The following GPM6A variants were observed in gnomAD, a reference collection of about 807,000 sequenced individuals.
The protein encoded by GPM6A is glycoprotein M6A.
Under a neutral mutation model 32.1 loss-of-function variants are expected in GPM6A, and 7 were observed. That is an observed-to-expected ratio of 0.22 (90% CI 0.12 to 0.41). GPM6A has a LOEUF of 0.41. GPM6A is among the 10% of genes least tolerant of loss of function. The pLI is 1.00. For missense variants in GPM6A, 235 were observed against 347.2 expected, an observed-to-expected ratio of 0.68 and a Z score of 2.57; for synonymous variants, 130 against 123.4, an observed-to-expected ratio of 1.05 and a Z score of -0.35.
intron 1 of GPM6A, chr4:175,781,290 T>C (rs1248161956): frequency 2.6e-5 from 4 of 152,188 alleles, no homozygotes; most frequent in African/African-American, 9.7e-5. Context: ...GTGGTCTGTT[T>C]GGATGCCCTG....
At chr4:175,921,442 C>A (rs1738661739) in intron 1 of GPM6A, among the ~76,000 whole-genome samples, 1 of 151,870 alleles carries the variant, frequency 6.6e-6, no homozygotes, top group South Asian at 2.1e-4. Context: ...TAGAGAATTT[C>A]AGTATTTTAA....
chr4:175,761,090 C>G (rs1732718677), intron 1 of GPM6A, among the ~76,000 whole-genome samples: 1 of 92,012 alleles, frequency 1.1e-5, no homozygotes, highest in Non-Finnish European at 2.4e-5. Flanking sequence ...ATGACACAGT[C>G]TCAGAGTCAC....
Position 175,651,822 on chromosome 4 carries a change from A to G in GPM6A, c.541+12T>C, listed in dbSNP as rs201531480. ...TGGTGTTTTACAGTTTAGAGATCCA[A>G]TATCCACTTACCAAACTGACGAAGG... On this transcript the variant is annotated intron_variant, in intron 4 of 6. Coordinates refer to ENST00000393658, the MANE Select transcript of GPM6A (RefSeq NM_201591.3). The G allele has an allele frequency of 3.0e-5, 48 of 1,608,050 alleles. No homozygotes were observed. The African/African-American group carries it at 4.7e-4, about 16-fold the overall frequency.
chr4:175,727,621 AT>A (rs1438001743), intron 1 of GPM6A, among the ~76,000 whole-genome samples: 1 of 152,212 alleles, frequency 6.6e-6, no homozygotes, highest in Non-Finnish European at 1.5e-5. Flanking sequence ...TAGTTAACTG[AT>A]TAGAAAACTC....
chr4:175,825,251 G>A (rs540626839), intron 1 of GPM6A, among the ~76,000 whole-genome samples: 1 of 152,302 alleles, frequency 6.6e-6, no homozygotes, highest in South Asian at 2.1e-4. Flanking sequence ...TTGGGGTGCA[G>A]TAATCTTAAC....
intron 3 of GPM6A, 30 bp downstream of exon 3, chr4:175,673,650 T>A (rs1385616103): frequency 1.1e-5 from 17 of 1,536,892 alleles, no homozygotes; most frequent in Non-Finnish European, 1.4e-5. Context: ...TCAATCCACA[T>A]TAAATACTGA....
intron 1 of GPM6A, among the ~76,000 whole-genome samples, chr4:175,705,562 G>T (rs1260787392): frequency 6.6e-6 from 1 of 152,102 alleles, no homozygotes; most frequent in Non-Finnish European, 1.5e-5. Flanking sequence ...CTCTCCAGCT[G>T]CCAGGATCCC....
At chr4:175,765,281 T>A (rs947570025) in intron 1 of GPM6A, among the ~76,000 whole-genome samples, 1 of 152,152 alleles carries the variant, frequency 6.6e-6, no homozygotes, top group Non-Finnish European at 1.5e-5. Flanking sequence ...TTATTATCAC[T>A]GGCATTGCAC....
At chr4:175,646,879 G>A (rs1220690477) in intron 4 of GPM6A, among the ~76,000 whole-genome samples, 1 of 152,016 alleles carries the variant, frequency 6.6e-6, no homozygotes, top group African/African-American at 2.4e-5. Context: ...TTCACTATAT[G>A]ACCCCACCAC....
intron 1 of GPM6A, among the ~76,000 whole-genome samples, chr4:175,940,035 G>C (rs73871293): frequency 0.06 from 9,201 of 152,174 alleles, 871 homozygotes; most frequent in African/African-American, 0.21. Flanking sequence ...TAGTGATGCA[G>C]TAGTTCATTT....
chr4:175,713,897 C>G (rs1268278400), intron 1 of GPM6A, among the ~76,000 whole-genome samples: 1 of 152,050 alleles, frequency 6.6e-6, no homozygotes, highest in African/African-American at 2.4e-5. Context: ...AGTTGCTTAT[C>G]TTTTCTCTCC....
At chr4:175,929,511 T>C (rs1017744379) in intron 1 of GPM6A, among the ~76,000 whole-genome samples, 1 of 152,208 alleles carries the variant, frequency 6.6e-6, no homozygotes, top group African/African-American at 2.4e-5. Context: ...GGTTCTGCAT[T>C]TGTAAAACTG....
chr4:175,831,420 G>T (rs1055300244), intron 1 of GPM6A, among the ~76,000 whole-genome samples: 2 of 152,152 alleles, frequency 1.3e-5, no homozygotes, highest in Admixed American at 6.5e-5. Context: ...ATTACTTTAT[G>T]CCTGACTATA....
At chr4:175,773,310 C>T (rs1000815471) in intron 1 of GPM6A, among the ~76,000 whole-genome samples, 89 of 152,304 alleles carry the variant, frequency 5.8e-4, no homozygotes, top group African/African-American at 2.0e-3. Flanking sequence ...TTCTTATATA[C>T]TCAAAGCCTT....
intron 1 of GPM6A, among the ~76,000 whole-genome samples, chr4:175,751,045 G>A (rs2111188895): frequency 6.6e-6 from 1 of 152,118 alleles, no homozygotes; most frequent in East Asian, 1.9e-4. Context: ...CATTGCAAAT[G>A]TGAGACTTGA....
At chr4:175,684,702 T>C (rs1371236348) in intron 2 of GPM6A, among the ~76,000 whole-genome samples, 1 of 152,216 alleles carries the variant, frequency 6.6e-6, no homozygotes, top group Non-Finnish European at 1.5e-5. Flanking sequence ...TAGATTTATC[T>C]GTTCGGTCCT....
chr4:175,661,211 C>A (rs1439930180), intron 3 of GPM6A, among the ~76,000 whole-genome samples: 2 of 151,872 alleles, frequency 1.3e-5, no homozygotes, highest in African/African-American at 4.8e-5. Context: ...GAGTGATAAC[C>A]AGTATGCATT....
chr4:175,690,004 C>T (rs1744208408), intron 2 of GPM6A, among the ~76,000 whole-genome samples: 2 of 152,194 alleles, frequency 1.3e-5, no homozygotes. Context: ...AATAAGATTG[C>T]TCTTGTCCCC....
chr4:175,770,900 A>G (rs933023565), intron 1 of GPM6A, among the ~76,000 whole-genome samples: 2 of 152,140 alleles, frequency 1.3e-5, no homozygotes, highest in Admixed American at 1.3e-4. Flanking sequence ...TGATTACTTC[A>G]TCCTCGGTGC....
Sources: allele counts gnomAD v4.1 joint callset (sites outside exome capture counted in the v4.1 genomes callset), GRCh38; gene constraint gnomAD v4.1.1; transcripts MANE v1.5; gene names NCBI Gene and HGNC (gene_info 2026-07-23, HGNC 2026-07-21).